Variants in CD58 observed in about 807,000 individuals in gnomAD.
CD58 encodes the protein lymphocyte function-associated antigen 3.
CD58 carries 14 observed loss-of-function variants against 27.6 expected under a neutral mutation model. That is an observed-to-expected ratio of 0.51 (90% CI 0.34 to 0.79). CD58 has a LOEUF of 0.79. Among genes scored for constraint, CD58 ranks in the 30% least tolerant of loss-of-function variants. CD58 has a pLI of 0.02. For synonymous variants in CD58, 117 were observed against 103.8 expected (o/e 1.13, Z -0.77); for missense variants, 268 against 301.7 (o/e 0.89, Z 0.83).
rs909614256 is a variant in CD58, at chr1:116,570,867, G to A, written c.70+36C>T. The A allele has an allele frequency of 2.0e-6, 3 of 1,517,988 alleles. No individual in the cohort carries two copies. Among genetic ancestry groups the A allele is most frequent in the South Asian group, 1.2e-5 (1 of 82,836 alleles). 94.0% of individuals were successfully genotyped at this position (1,517,988 alleles called of 1,614,324 possible). On this transcript the variant is annotated intron_variant, in intron 1 of 5. Transcript: ENST00000369489. This position sits in a 1 kb window ranked among gnomAD's most constrained non-coding sequence, Gnocchi z 6.4. ...GCCTGGGTGCTGCCCAGTACCCGCC[G>A]GCCGGCGCGGGGCCCCTGGGGCAGG...
rs756085411 is a variant in CD58 at position 116,563,255 on chromosome 1, C to A, written c.70+7648G>T. ...AGAGATGGGCTCCCACAACCTTGGGCAGCTCTTCCCCTGTGGCTTTGCAGG... is the reference window on the plus strand; with the variant it reads ...AGAGATGGGCTCCCACAACCTTGGGAAGCTCTTCCCCTGTGGCTTTGCAGG... On this transcript the variant is annotated intron_variant, in intron 1 of 5. Transcript: ENST00000369489. The surrounding 1 kb of genome is among the most constrained non-coding windows in gnomAD (Gnocchi z 4.1). 6.6e-6 allele frequency among the ~76,000 whole-genome samples: 1 copy of A among 152,180 alleles called. No individual in the cohort carries two copies. The highest frequency in any genetic ancestry group is 1.5e-5 in the Non-Finnish European group (1 of 68,030).
intron 2 of CD58, among the ~76,000 whole-genome samples, chr1:116,539,604 T>C (rs1430242590): frequency 1.3e-5 from 2 of 152,230 alleles, no homozygotes; most frequent in Non-Finnish European, 2.9e-5. Flanking sequence ...TCTAAGTTGC[T>C]AGAACTCCCT....
chr1:116,570,752 G>A lies in CD58; in HGVS notation c.70+151C>T, dbSNP rs1659113292. 5.2e-6 allele frequency: 3 copies of A among 582,182 alleles called. No homozygotes were observed. Among genetic ancestry groups the A allele is most frequent in the South Asian group, 4.2e-5 (2 of 47,670 alleles). The allele number at this position is 582,182 out of a possible 1,614,324, so 36.1% of individuals were successfully genotyped here. ...ATAACAACTTTCTCTTCCTGAAAAG[G>A]CTCCCACGGCTGAGTTGTTCCCGGC... On this transcript the variant is annotated intron_variant, in intron 1 of 5. Coordinates refer to ENST00000369489, the MANE Select transcript of CD58 (RefSeq NM_001779.3). The surrounding 1 kb of genome is among the most constrained non-coding windows in gnomAD (Gnocchi z 6.4).
Position 116,537,754 on chromosome 1 carries a change from G to A in CD58, c.365-1526C>T, listed in dbSNP as rs142887794. 7.8e-3 allele frequency among the ~76,000 whole-genome samples: 1,184 copies of A among 152,224 alleles called. 8 individuals carry two copies. The highest frequency in any genetic ancestry group is 0.013 in the Non-Finnish European group (912 of 68,018). ...TTTGTTAATTCATATGCCTTCTTGC[G>A]TCTCAGCTACCCTCCAGCAATTAAT... On this transcript the variant is annotated intron_variant, in intron 2 of 5. Transcript: ENST00000369489.
chr1:116,530,626 G>A (rs1022737340), intron 3 of CD58, among the ~76,000 whole-genome samples: 3 of 152,214 alleles, frequency 2.0e-5, no homozygotes, highest in Admixed American at 1.3e-4. Context: ...GCTAGTCAAT[G>A]TGAGTTAGTT....
At chr1:116,567,920 T>C (rs1658994480) in intron 1 of CD58, among the ~76,000 whole-genome samples, 1 of 152,066 alleles carries the variant, frequency 6.6e-6, no homozygotes, top group South Asian at 2.1e-4. Context: ...CCAACATAGC[T>C]ATGAAGTATT....
In CD58 at chr1:116,536,642, C is replaced by T. The variant is rs1159847152; in HGVS notation, c.365-414G>A. Among the ~76,000 whole-genome samples the T allele has an allele frequency of 1.3e-5, 2 of 152,154 alleles. No individual in the cohort carries two copies. On this transcript the variant is annotated intron_variant, in intron 2 of 5. Transcript: ENST00000369489. This position sits in a 1 kb window ranked among gnomAD's most constrained non-coding sequence, Gnocchi z 5.4. Reference sequence around the variant, plus strand: ...TGCTGCCTTGTGAAAAAAGTGCTTGCTTCTCCTTCGCCTTCTGCCATGATT... The same window carrying T: ...TGCTGCCTTGTGAAAAAAGTGCTTGTTTCTCCTTCGCCTTCTGCCATGATT...
Position 116,541,582 on chromosome 1 carries a change from C to T in CD58, c.364+2729G>A, listed in dbSNP as rs1041725569. On this transcript the variant is annotated intron_variant, in intron 2 of 5. Transcript: ENST00000369489. The surrounding 1 kb of genome is among the most constrained non-coding windows in gnomAD (Gnocchi z 5.3). The stretch of plus-strand genomic sequence containing the variant: ...AAGAGAGGTATCAAGGATGACATCC[C>T]GGTTTCAGACTGACCAGCTGAAAGG... Among the ~76,000 whole-genome samples the T allele has an allele frequency of 3.9e-5, 6 of 152,106 alleles. No homozygotes were observed. The highest frequency in any genetic ancestry group is 1.4e-4 in the African/African-American group (6 of 41,400).
chr1:116,549,306 G>C (rs1242949576), intron 1 of CD58, among the ~76,000 whole-genome samples: 1 of 152,180 alleles, frequency 6.6e-6, no homozygotes, highest in Non-Finnish European at 1.5e-5. Flanking sequence ...CTAACAAGGG[G>C]TTAGGGAAGG....
chr1:116,525,211 C>T (rs1220900540), intron 3 of CD58, among the ~76,000 whole-genome samples: 2 of 152,194 alleles, frequency 1.3e-5, no homozygotes, highest in African/African-American at 4.8e-5. Context: ...CTATTCATAT[C>T]CCCTGCCAAC....
intron 1 of CD58, among the ~76,000 whole-genome samples, chr1:116,556,870 GA>G (rs1190936877): frequency 6.6e-6 from 1 of 152,146 alleles, no homozygotes; most frequent in African/African-American, 2.4e-5. Context: ...GTGGAAACAG[GA>G]GCTGTGCCTC....
At chr1:116,554,075 A>C (rs1658481644) in intron 1 of CD58, among the ~76,000 whole-genome samples, 2 of 152,342 alleles carry the variant, frequency 1.3e-5, no homozygotes, top group South Asian at 4.1e-4. Flanking sequence ...ATTTTTGCTT[A>C]TGCTCTAAAA....
In CD58 at chr1:116,522,761, A is replaced by C. The variant is rs1199754537; in HGVS notation, c.629-778T>G. Reference sequence around the variant, plus strand: ...TCCACTAGAAGGTTTGTTTCTGACCATCTCATACTGCCAGTGGAAGCAGAA... The same window carrying C: ...TCCACTAGAAGGTTTGTTTCTGACCCTCTCATACTGCCAGTGGAAGCAGAA... On this transcript the variant is annotated intron_variant, in intron 3 of 5. Transcript: ENST00000369489. This position sits in a 1 kb window ranked among gnomAD's most constrained non-coding sequence, Gnocchi z 4.6. Among the ~76,000 whole-genome samples, 1 of 152,216 alleles carries C rather than the reference A, an allele frequency of 6.6e-6. No homozygotes were observed. Among genetic ancestry groups the C allele is most frequent in the Admixed American group, 6.5e-5 (1 of 15,286 alleles).
chr1:116,545,526 G>T (rs946788860), intron 1 of CD58, among the ~76,000 whole-genome samples: 9 of 152,172 alleles, frequency 5.9e-5, no homozygotes, highest in African/African-American at 2.2e-4. Context: ...TGATGAGGGT[G>T]GGGGAAGTGG....
intron 2 of CD58, among the ~76,000 whole-genome samples, chr1:116,540,071 T>A (rs1657944614): frequency 6.6e-6 from 1 of 152,174 alleles, no homozygotes; most frequent in Non-Finnish European, 1.5e-5. Context: ...ATAAAAATCA[T>A]CATCTGAGAT....
chr1:116,555,679 C>T (rs1658537132), intron 1 of CD58, among the ~76,000 whole-genome samples: 1 of 152,154 alleles, frequency 6.6e-6, no homozygotes. Context: ...AGTGTTTCTA[C>T]AAAACATCAA....
chr1:116,548,998 C>T (rs79806888), intron 1 of CD58, among the ~76,000 whole-genome samples: 2,212 of 152,232 alleles, frequency 0.015, 65 homozygotes, highest in African/African-American at 0.05. Context: ...AAGTTTATGG[C>T]GGCACAATGA....
In CD58 at chr1:116,521,948, G is replaced by C; in HGVS notation, c.664C>G (p.Pro222Ala). 1 of 1,584,932 alleles carries C rather than the reference G, an allele frequency of 6.3e-7. No homozygotes were observed. The highest frequency in any genetic ancestry group is 2.2e-5 in the East Asian group (1 of 44,700). Residue 222 changes from proline (P) to alanine (A), a missense_variant, in exon 4 of 6, where the codon CCA (proline) becomes GCA (alanine). By Grantham distance (27) the Pro-to-Ala change is conservative (BLOSUM62 -1). Coordinates refer to ENST00000369489, the MANE Select transcript of CD58 (RefSeq NM_001779.3). The surrounding 1 kb of genome is among the most constrained non-coding windows in gnomAD (Gnocchi z 5.6). ...SRHRYALIPI[P>A]LAVITTCIVL... is the part of the protein sequence containing the mutation. ...ATACATGTTGTAATTACTGCTAATG[G>C]TATGGGTATAAGTGCATATCTGTGT...
rs1176008991 is a variant in CD58, at chr1:116,523,930, T to G, written c.629-1947A>C. On this transcript the variant is annotated intron_variant, in intron 3 of 5. Transcript: ENST00000369489. The surrounding 1 kb of genome is among the most constrained non-coding windows in gnomAD (Gnocchi z 4.4). ...TGACCAGTGAGTTTTTAAATTTGTTTTTAGTACATTATGAACGCATGAACT... is the reference window on the plus strand; with the variant it reads ...TGACCAGTGAGTTTTTAAATTTGTTGTTAGTACATTATGAACGCATGAACT... 6.6e-6 allele frequency among the ~76,000 whole-genome samples: 1 copy of G among 152,258 alleles called. No homozygotes were observed. The highest frequency in any genetic ancestry group is 2.4e-5 in the African/African-American group (1 of 41,472).
Sources: gnomAD v4.1 joint callset for allele counts (sites outside exome capture counted in the v4.1 genomes callset) on GRCh38, gnomAD v4.1.1 for gene constraint, Gnocchi (gnomAD v3.1) non-coding constraint, MANE v1.5 for transcripts, NCBI Gene and HGNC (gene_info 2026-07-23, HGNC 2026-07-21) for gene names.